The following PDE3A variants were observed in gnomAD, a reference collection of about 807,000 sequenced individuals.
PDE3A encodes the protein phosphodiesterase 3A, also known as cGMP-inhibited 3',5'-cyclic phosphodiesterase 3A.
In PDE3A, 43 loss-of-function variants were observed where a neutral mutation model predicts 98.3. That is an observed-to-expected ratio of 0.44 (90% CI 0.34 to 0.56). The LOEUF (loss-of-function observed/expected upper bound fraction) is 0.56, where lower values mean the gene tolerates loss of function less well. Among genes scored for constraint, PDE3A ranks in the 20% least tolerant of loss-of-function variants. The probability of loss-of-function intolerance (pLI) is 0.01; values close to 1 mark genes in which losing one functional copy is unlikely to be tolerated. For synonymous variants in PDE3A, 663 were observed against 567.9 expected (o/e 1.17, Z -2.38); for missense variants, 1,427 against 1,440.7 (o/e 0.99, Z 0.15).
chr12:20,648,278 A>G (rs1378869869), intron 12 of PDE3A, among the ~76,000 whole-genome samples: 2 of 150,022 alleles, frequency 1.3e-5, no homozygotes, highest in Non-Finnish European at 3.0e-5. Context: ...GTATAATTAT[A>G]TATTATATTT....
rs182085973 is a variant in PDE3A, at chr12:20,500,852, C to T, written c.961-55808C>T. Among the ~76,000 whole-genome samples, 16 of 150,942 alleles carry T rather than the reference C, an allele frequency of 1.1e-4. No individual in the cohort carries two copies. In the East Asian group the frequency reaches 3.1e-3, roughly 29 times the overall value. On this transcript the variant is annotated intron_variant, in intron 1 of 15. Coordinates refer to ENST00000359062, the MANE Select transcript of PDE3A (RefSeq NM_000921.5). The stretch of plus-strand genomic sequence containing the variant: ...GCGCCATCTCAGCTCACTGCAGCCT[C>T]GACCTCCTGGGTTCAAGCAATCCTC...
intron 2 of PDE3A, among the ~76,000 whole-genome samples, chr12:20,585,938 G>A (rs966215836): frequency 3.9e-5 from 6 of 152,164 alleles, no homozygotes; most frequent in Admixed American, 2.6e-4. Context: ...GAATGATACT[G>A]TTTGATGGAG....
At chr12:20,400,643 C>T (rs867634266) in intron 1 of PDE3A, among the ~76,000 whole-genome samples, 1 of 152,080 alleles carries the variant, frequency 6.6e-6, no homozygotes, top group Non-Finnish European at 1.5e-5. Flanking sequence ...TGGTCTCGAT[C>T]TCCTGACCTC....
chr12:20,411,616 T>G (rs981700983), intron 1 of PDE3A, among the ~76,000 whole-genome samples: 11 of 152,176 alleles, frequency 7.2e-5, no homozygotes, highest in Non-Finnish European at 1.5e-4. Flanking sequence ...CTAACAGGTC[T>G]CTGGAGATTC....
intron 1 of PDE3A, among the ~76,000 whole-genome samples, chr12:20,403,361 T>C (rs1207250039): frequency 2.0e-5 from 3 of 152,228 alleles, no homozygotes; most frequent in African/African-American, 4.8e-5. Flanking sequence ...TCTTTGTTTC[T>C]GTTTTGAAGA....
Position 20,650,423 on chromosome 12 carries a change from ATTAACT to A in PDE3A, c.2770-18_2770-13del, listed in dbSNP as rs779358465. 5 of 1,551,672 alleles carry A rather than the reference ATTAACT, an allele frequency of 3.2e-6. No individual in the cohort carries two copies. The highest frequency in any genetic ancestry group is 1.2e-5 in the South Asian group (1 of 85,892). On this transcript the variant is annotated splice_polypyrimidine_tract_variant and intron_variant, in intron 13 of 15. Coordinates refer to ENST00000359062, the MANE Select transcript of PDE3A (RefSeq NM_000921.5). ...TTGTTTTTATCAAAGCAAAACATAT[ATTAACT>A]TTATCTCTCAAATAGGTAAATGATG...
intron 1 of PDE3A, among the ~76,000 whole-genome samples, chr12:20,402,822 C>T (rs544125632): frequency 2.6e-4 from 40 of 152,208 alleles, no homozygotes; most frequent in Middle Eastern, 3.4e-3. Flanking sequence ...CCTTCAGAGG[C>T]ACAGGATTAT....
intron 1 of PDE3A, among the ~76,000 whole-genome samples, chr12:20,465,207 G>A (rs1945320344): frequency 6.6e-6 from 1 of 152,018 alleles, no homozygotes; most frequent in South Asian, 2.1e-4. Flanking sequence ...CTCTTTAATA[G>A]CATGTCATAG....
At chr12:20,408,975 T>C (rs572777348) in intron 1 of PDE3A, among the ~76,000 whole-genome samples, 6 of 152,276 alleles carry the variant, frequency 3.9e-5, no homozygotes, top group Non-Finnish European at 7.4e-5. Context: ...TTTTACCCGC[T>C]TTCCTCTCTC....
chr12:20,523,523 T>C (rs941558699), intron 1 of PDE3A, among the ~76,000 whole-genome samples: 1 of 152,206 alleles, frequency 6.6e-6, no homozygotes, highest in African/African-American at 2.4e-5. Flanking sequence ...TTGTCTTTCT[T>C]TTTAAGTTAA....
At chr12:20,504,812 T>C (rs939121596) in intron 1 of PDE3A, among the ~76,000 whole-genome samples, 3 of 152,146 alleles carry the variant, frequency 2.0e-5, no homozygotes, top group Admixed American at 6.6e-5. Context: ...AAGTACCTTG[T>C]GATAACATTG....
Position 20,621,289 on chromosome 12 carries a change from CT to C in PDE3A, c.1425-3del, listed in dbSNP as rs1190995061. The C allele has an allele frequency of 1.2e-5, 17 of 1,450,514 alleles. No individual in the cohort carries two copies. Among genetic ancestry groups the C allele is most frequent in the Non-Finnish European group, 1.6e-5 (17 of 1,031,766 alleles). The allele number at this position is 1,450,514 out of a possible 1,614,324, so 89.9% of individuals were successfully genotyped here. ...TTCTTTTAATTCTGTCTTTCTGGTG[CT>C]TTTAGTCCTGATTCTTGGAATAATC... On this transcript the variant is annotated splice_region_variant and splice_polypyrimidine_tract_variant and intron_variant, in intron 4 of 15. Transcript: ENST00000359062.
Position 20,630,027 on chromosome 12 carries a change from A to G in PDE3A, c.1660A>G (p.Thr554Ala), listed in dbSNP as rs1481515108. Residue 554 changes from threonine (T) to alanine (A), a missense_variant, in exon 6 of 16, where the codon ACT becomes GCT. Physicochemically the swap from Thr to Ala is moderately conservative, Grantham distance 58. Transcript: ENST00000359062. Reference protein sequence around the residue: ...AVQFPESADTTAKQSLGSHRA... With the variant: ...AVQFPESADTAAKQSLGSHRA... The stretch of plus-strand genomic sequence containing the variant: ...GCAGTTTCCAGAATCTGCTGACACA[A>G]CTGCCAAACAAAGCCTAGGTTCTCA... The G allele has an allele frequency of 1.9e-6, 3 of 1,613,916 alleles. No homozygotes were observed. The highest frequency in any genetic ancestry group is 1.1e-5 in the South Asian group (1 of 91,076).
chr12:20,671,298 G>A (rs1945473600), intron 15 of PDE3A, among the ~76,000 whole-genome samples: 2 of 150,816 alleles, frequency 1.3e-5, no homozygotes, highest in Admixed American at 1.3e-4. Context: ...CATTCCTTCT[G>A]AAACTATTCC....
chr12:20,662,691 T>C (rs1373750025), intron 15 of PDE3A, among the ~76,000 whole-genome samples: 4 of 152,100 alleles, frequency 2.6e-5, no homozygotes, highest in African/African-American at 7.2e-5. Flanking sequence ...CTCAGTTTTA[T>C]GTATTCAGAA....
At chr12:20,428,598 G>T (rs1267063891) in intron 1 of PDE3A, among the ~76,000 whole-genome samples, 2 of 152,000 alleles carry the variant, frequency 1.3e-5, no homozygotes, top group African/African-American at 4.8e-5. Flanking sequence ...TTATTTTAAA[G>T]ATATTTATTT....
At chr12:20,588,664 C>A (rs1447966195) in intron 2 of PDE3A, among the ~76,000 whole-genome samples, 1 of 151,986 alleles carries the variant, frequency 6.6e-6, no homozygotes, top group Non-Finnish European at 1.5e-5. Flanking sequence ...TACCATTTTG[C>A]CCCATGCTGC....
intron 2 of PDE3A, among the ~76,000 whole-genome samples, chr12:20,609,294 A>C (rs1257672302): frequency 6.6e-6 from 1 of 152,040 alleles, no homozygotes. Flanking sequence ...CTAGCTGAAA[A>C]AGAATTAAAA....
intron 1 of PDE3A, among the ~76,000 whole-genome samples, chr12:20,436,686 A>G (rs952810503): frequency 2.0e-5 from 3 of 152,204 alleles, no homozygotes; most frequent in Non-Finnish European, 4.4e-5. Context: ...GTTCCAGGAA[A>G]TGTACATTCT....
Sources: gnomAD v4.1 joint callset for allele counts (sites outside exome capture counted in the v4.1 genomes callset) on GRCh38, gnomAD v4.1.1 for gene constraint, MANE v1.5 for transcripts, NCBI Gene and HGNC (gene_info 2026-07-23, HGNC 2026-07-21) for gene names.